Variants in KCNJ6 observed in about 807,000 individuals in gnomAD.
KCNJ6 encodes the protein G protein-activated inward rectifier potassium channel 2.
Under a neutral mutation model 34.2 loss-of-function variants are expected in KCNJ6, and 9 were observed. The ratio of observed to expected loss-of-function variants is 0.26; its 90% confidence interval spans 0.16 to 0.46. KCNJ6 has a LOEUF of 0.46. KCNJ6 is among the 20% of genes least tolerant of loss of function. The pLI is 1.00. For synonymous variants in KCNJ6, 196 were observed against 207.1 expected (o/e 0.95, Z 0.46); for missense variants, 236 against 531.3 (o/e 0.44, Z 5.46).
chr21:37,735,106 G>A (rs1010965489), intron 2 of KCNJ6, among the ~76,000 whole-genome samples: 1 of 152,006 alleles, frequency 6.6e-6, no homozygotes, highest in Non-Finnish European at 1.5e-5. Context: ...AGCGTGCACC[G>A]ACTCCCGCTC....
intron 1 of KCNJ6, among the ~76,000 whole-genome samples, chr21:37,851,579 C>G (rs12483485): frequency 6.6e-6 from 1 of 151,968 alleles, no homozygotes; most frequent in Non-Finnish European, 1.5e-5. Flanking sequence ...AGAAGGTGAC[C>G]CCTTTGTTAG....
At chr21:37,903,938 T>C (rs1227979546) in intron 1 of KCNJ6, among the ~76,000 whole-genome samples, 3 of 152,210 alleles carry the variant, frequency 2.0e-5, no homozygotes, top group African/African-American at 4.8e-5. Flanking sequence ...ATTTACTTTA[T>C]ATTGGTAGAG....
Position 37,655,212 on chromosome 21 carries a change from TGTGTGTGTGTGTGAGAGAGA to T in KCNJ6, c.947-29748_947-29729del, listed in dbSNP as rs2054453848. Among the ~76,000 whole-genome samples, 58 of 60,104 alleles carry T rather than the reference TGTGTGTGTGTGTGAGAGAGA, an allele frequency of 9.6e-4. 1 individual carries two copies. The highest frequency in any genetic ancestry group is 5.6e-3 in the Admixed American group (26 of 4,670). 39.4% of individuals were successfully genotyped at this position (60,104 alleles called of 152,430 possible). ...GTGTGTGTGTGTGTGTGTGTGTGTG[TGTGTGTGTGTGTGAGAGAGA>T]GAGAGAGAGAGAGAGAGAGAGAGAG... On this transcript the variant is annotated intron_variant, in intron 3 of 3. Coordinates refer to ENST00000609713, the MANE Select transcript of KCNJ6 (RefSeq NM_002240.5).
chr21:37,804,110 G>A (rs558028725), intron 2 of KCNJ6, among the ~76,000 whole-genome samples: 41 of 152,156 alleles, frequency 2.7e-4, no homozygotes, highest in Non-Finnish European at 4.9e-4. Context: ...AAGATGCATC[G>A]TTAGTCACTA....
At chr21:37,902,880 G>C (rs2123646820) in intron 1 of KCNJ6, among the ~76,000 whole-genome samples, 1 of 152,250 alleles carries the variant, frequency 6.6e-6, no homozygotes, top group East Asian at 1.9e-4. Flanking sequence ...TTATTGTTTT[G>C]ATTTCTCTGA....
At chr21:37,730,495 C>A (rs1472784402) in intron 2 of KCNJ6, among the ~76,000 whole-genome samples, 1 of 152,226 alleles carries the variant, frequency 6.6e-6, no homozygotes, top group Admixed American at 6.5e-5. Flanking sequence ...AAGGATGGCA[C>A]CTGGTCCACA....
chr21:37,632,690 A>G (rs2054339251), intron 3 of KCNJ6, among the ~76,000 whole-genome samples: 1 of 146,378 alleles, frequency 6.8e-6, no homozygotes, highest in African/African-American at 2.4e-5. Context: ...ATAACTTTAG[A>G]AACAGCAGAG....
At chr21:37,671,370 G>T (rs759462430) in intron 3 of KCNJ6, among the ~76,000 whole-genome samples, 1 of 152,230 alleles carries the variant, frequency 6.6e-6, no homozygotes, top group Non-Finnish European at 1.5e-5. Context: ...TCCTGGAAGG[G>T]GTTAACCCAG....
chr21:37,823,552 T>C (rs892762551), intron 2 of KCNJ6, among the ~76,000 whole-genome samples: 3 of 152,162 alleles, frequency 2.0e-5, no homozygotes, highest in African/African-American at 7.2e-5. Flanking sequence ...GTTAGTGAGT[T>C]ATCATGAGAT....
At chr21:37,841,026 C>T (rs1452591189) in intron 1 of KCNJ6, among the ~76,000 whole-genome samples, 2 of 152,062 alleles carry the variant, frequency 1.3e-5, no homozygotes, top group Non-Finnish European at 2.9e-5. Flanking sequence ...CATCCATATG[C>T]CAATTTTTTT....
At chr21:37,732,225 C>T (rs1451912329) in intron 2 of KCNJ6, among the ~76,000 whole-genome samples, 1 of 152,162 alleles carries the variant, frequency 6.6e-6, no homozygotes, top group Non-Finnish European at 1.5e-5. Context: ...TGGGCCCCTC[C>T]CTGTCTGAGA....
At chr21:37,666,272 A>G (rs1376256221) in intron 3 of KCNJ6, among the ~76,000 whole-genome samples, 1 of 152,110 alleles carries the variant, frequency 6.6e-6, no homozygotes, top group African/African-American at 2.4e-5. Flanking sequence ...GAGTAGGACC[A>G]AGTCCTCACT....
rs528343704 is a variant in KCNJ6 at position 37,744,063 on chromosome 21, C to CA, written c.26-28933dup. Among the ~76,000 whole-genome samples, 199 of 145,962 alleles carry CA rather than the reference C, an allele frequency of 1.4e-3. 3 individuals carry two copies. Among genetic ancestry groups the CA allele is most frequent in the African/African-American group, 4.9e-3 (192 of 39,424 alleles). ...AATAATGGATAGTATATCGCAAGGA[C>CA]AAAAAACCAAACACCGCATGTTCTC... On this transcript the variant is annotated intron_variant, in intron 2 of 3. Transcript: ENST00000609713.
At chr21:37,780,152 C>T (rs1437501237) in intron 2 of KCNJ6, among the ~76,000 whole-genome samples, 1 of 145,714 alleles carries the variant, frequency 6.9e-6, no homozygotes. Flanking sequence ...TTTTAAGCCA[C>T]AGAAAGACCT....
At chr21:37,892,663 G>A (rs2123636316) in intron 1 of KCNJ6, among the ~76,000 whole-genome samples, 1 of 152,240 alleles carries the variant, frequency 6.6e-6, no homozygotes, top group Admixed American at 6.5e-5. Context: ...AGATGGGGAG[G>A]CAAGTTGGGA....
chr21:37,867,843 C>A (rs1001110149), intron 1 of KCNJ6, among the ~76,000 whole-genome samples: 1 of 152,214 alleles, frequency 6.6e-6, no homozygotes, highest in African/African-American at 2.4e-5. Context: ...GTCATGATCT[C>A]TGAGATATTA....
intron 2 of KCNJ6, among the ~76,000 whole-genome samples, chr21:37,785,523 GAT>G (rs751794189): frequency 2.0e-5 from 3 of 152,164 alleles, no homozygotes; most frequent in Non-Finnish European, 2.9e-5. Flanking sequence ...ACATGCTGTT[GAT>G]ATGTCATTAG....
chr21:37,632,804 A>G (rs1415153366), intron 3 of KCNJ6, among the ~76,000 whole-genome samples: 1 of 152,184 alleles, frequency 6.6e-6, no homozygotes, highest in Non-Finnish European at 1.5e-5. Context: ...AAAAATAAAA[A>G]GCAGAGATAC....
chr21:37,784,252 T>C (rs1204249848), intron 2 of KCNJ6, among the ~76,000 whole-genome samples: 1 of 152,234 alleles, frequency 6.6e-6, no homozygotes, highest in Non-Finnish European at 1.5e-5. Flanking sequence ...GCACGAGTCT[T>C]GCTGGCTTTT....
Sources: allele counts gnomAD v4.1 joint callset (sites outside exome capture counted in the v4.1 genomes callset), GRCh38; gene constraint gnomAD v4.1.1; transcripts MANE v1.5; gene names NCBI Gene and HGNC (gene_info 2026-07-23, HGNC 2026-07-21).